RANBP2: variants seen among roughly 807,000 people sequenced by gnomAD.
RANBP2 encodes E3 SUMO-protein ligase RanBP2.
Under a neutral mutation model 303.6 loss-of-function variants are expected in RANBP2, and 57 were observed. The ratio of observed to expected loss-of-function variants is 0.19; its 90% CI spans 0.15 to 0.23. The LOEUF (loss-of-function observed/expected upper bound fraction) is 0.23, where lower values mean the gene tolerates loss of function less well. Among genes scored for constraint, RANBP2 ranks in the 10% least tolerant of loss-of-function variants. The pLI is 1.00. For missense variants in RANBP2, 3,138 were observed against 3,780.8 expected, an observed-to-expected ratio of 0.83 and a Z score of 4.46; for synonymous variants, 1,167 against 1,301.5, an observed-to-expected ratio of 0.90 and a Z score of 2.23.
the RANBP2 span, among the ~76,000 whole-genome samples, chr2:109,485,775 C>T: frequency 1.5e-4 from 23 of 152,272 alleles, no homozygotes; most frequent in African/African-American, 1.7e-4. Context: ...AACTCATAAG[C>T]TCTCCCTTCT....
the RANBP2 span, among the ~76,000 whole-genome samples, chr2:109,324,820 C>T: frequency 6.6e-6 from 1 of 152,214 alleles, no homozygotes; most frequent in Admixed American, 6.5e-5. Context: ...ACTCCAAGGA[C>T]AGTACTCTCC....
chr2:109,405,025 C>T, the RANBP2 span, among the ~76,000 whole-genome samples: 1 of 149,490 alleles, frequency 6.7e-6, no homozygotes, highest in Non-Finnish European at 1.5e-5. Flanking sequence ...CTTCTCTTCC[C>T]CTACATCTCT....
chr2:109,123,324 TTCCTTCCTTCCTTCCTTCC>T, the RANBP2 span, among the ~76,000 whole-genome samples: 10 of 24,186 alleles, frequency 4.1e-4, no homozygotes, highest in Admixed American at 3.0e-3. Context: ...CTTTCTTTCC[TTCCTTCCTTCCTTCCTTCC>T]TTCCTTCCTT....
chr2:109,062,681 C>T, the RANBP2 span, among the ~76,000 whole-genome samples: 9 of 152,164 alleles, frequency 5.9e-5, no homozygotes, highest in Admixed American at 2.6e-4. Context: ...CACCTCCTTC[C>T]GAACAGCGAA....
At position 108,764,098 on chromosome 2, in the gene RANBP2, G is replaced by A; in HGVS notation, c.3559G>A (p.Gly1187Ser). The A allele has an allele frequency of 1.9e-6, 3 of 1,614,004 alleles. No homozygotes were observed. Among genetic ancestry groups the A allele is most frequent in the Non-Finnish European group, 2.5e-6 (3 of 1,179,962 alleles). Residue 1187 changes from glycine to serine, a missense_variant, in exon 20 of 29, where the codon GGT (glycine) becomes AGT (serine). Around this residue, in one of 20 missense-constraint regions of RANBP2, gnomAD observed 403 missense variants for 376.7 expected, o/e 1.07. Transcript: ENST00000283195. Reference protein sequence around the residue: ...PLPDKIEVKTGEEDEEEFFCN... With the variant: ...PLPDKIEVKTSEEDEEEFFCN... ...TCCTGATAAGATTGAAGTAAAAACT[G>A]GTGAGGAAGATGAAGAAGAATTCTT...
chr2:109,229,612 A>G, the RANBP2 span, among the ~76,000 whole-genome samples: 2 of 152,104 alleles, frequency 1.3e-5, no homozygotes, highest in African/African-American at 4.8e-5. Flanking sequence ...GTTGTTCACT[A>G]TCTCTAGGAA....
the RANBP2 span, among the ~76,000 whole-genome samples, chr2:109,507,267 G>C: frequency 6.6e-6 from 1 of 152,150 alleles, no homozygotes; most frequent in African/African-American, 2.4e-5. Flanking sequence ...CCCCACCCCT[G>C]GCCGGGCCTC....
chr2:109,122,825 T>TG, the RANBP2 span, among the ~76,000 whole-genome samples: 3 of 152,170 alleles, frequency 2.0e-5, no homozygotes. Flanking sequence ...GAACCATGAT[T>TG]GTGCCACTGC....
the RANBP2 span, among the ~76,000 whole-genome samples, chr2:109,347,150 G>C: frequency 2.0e-5 from 3 of 152,208 alleles, no homozygotes; most frequent in African/African-American, 7.2e-5. Flanking sequence ...ATGAAGTAAA[G>C]AAAAAATGGT....
At chr2:109,125,023 T>C in the RANBP2 span, among the ~76,000 whole-genome samples, 3 of 152,336 alleles carry the variant, frequency 2.0e-5, no homozygotes, top group South Asian at 6.2e-4. Flanking sequence ...GAAATGAAAT[T>C]GGAAAACCCA....
the RANBP2 span, among the ~76,000 whole-genome samples, chr2:109,472,485 C>G: frequency 1.3e-5 from 2 of 152,198 alleles, no homozygotes; most frequent in Admixed American, 6.5e-5. Context: ...TGGCAGCCAT[C>G]AGGAAGGACT....
chr2:108,820,472 C>T, the RANBP2 span, among the ~76,000 whole-genome samples: 2 of 151,948 alleles, frequency 1.3e-5, no homozygotes, highest in Admixed American at 1.3e-4. Context: ...AAGAAATAGG[C>T]ATACAAGTTC....
At chr2:108,798,816 T>TACAC in the RANBP2 span, among the ~76,000 whole-genome samples, 20,350 of 131,276 alleles carry the variant, frequency 0.16, 1,741 homozygotes, top group South Asian at 0.19. Flanking sequence ...TCTCCACACC[T>TACAC]ACACACACAC....
the RANBP2 span, among the ~76,000 whole-genome samples, chr2:108,877,480 A>G: frequency 1.3e-5 from 2 of 152,016 alleles, no homozygotes; most frequent in African/African-American, 4.8e-5. Flanking sequence ...AAATAAAAAT[A>G]AATAAATAAA....
the RANBP2 span, among the ~76,000 whole-genome samples, chr2:109,379,485 G>A: frequency 6.6e-6 from 1 of 152,200 alleles, no homozygotes; most frequent in Non-Finnish European, 1.5e-5. Context: ...AGATGTGGCC[G>A]CTGCTTCTAA....
chr2:109,505,829 T>C, the RANBP2 span, among the ~76,000 whole-genome samples: 4 of 152,090 alleles, frequency 2.6e-5, no homozygotes, highest in African/African-American at 4.8e-5. Flanking sequence ...CCTAATAGAA[T>C]TGATACCTCA....
At chr2:109,312,471 C>T in the RANBP2 span, among the ~76,000 whole-genome samples, 1 of 152,086 alleles carries the variant, frequency 6.6e-6, no homozygotes, top group African/African-American at 2.4e-5. Flanking sequence ...CAGAAGTTTC[C>T]TTTTGGGAAG....
At chr2:109,432,991 C>A in the RANBP2 span, among the ~76,000 whole-genome samples, 1 of 152,248 alleles carries the variant, frequency 6.6e-6, no homozygotes, top group African/African-American at 2.4e-5. Flanking sequence ...ACAGTGTGTG[C>A]ACATATATAC....
At chr2:109,607,651 A>AT in the RANBP2 span, among the ~76,000 whole-genome samples, 17 of 152,072 alleles carry the variant, frequency 1.1e-4, no homozygotes, top group Non-Finnish European at 2.1e-4. Flanking sequence ...TTTAAATGTA[A>AT]TTTTTCTCCT....
Sources: gnomAD v4.1 joint callset for allele counts (sites outside exome capture counted in the v4.1 genomes callset) on GRCh38, gnomAD v4.1.1 for gene constraint, gnomAD v4.1.1 regional missense constraint, MANE v1.5 for transcripts, NCBI Gene and HGNC (gene_info 2026-07-23, HGNC 2026-07-21) for gene names.